Variants in ST6GALNAC3 observed in about 807,000 individuals in gnomAD.
ST6GALNAC3 encodes the protein alpha-N-acetylgalactosaminide alpha-2,6-sialyltransferase 3.
Under a neutral mutation model 32.7 loss-of-function variants are expected in ST6GALNAC3, and 25 were observed. The observed-to-expected ratio is 0.76, with a 90% CI of 0.56 to 1.07. The LOEUF is 1.07. Ranked by LOEUF, ST6GALNAC3 falls within the 50% of genes least tolerant of loss-of-function variation. The pLI is 0.00. For synonymous variants in ST6GALNAC3, 129 were observed against 133.1 expected (o/e 0.97, Z 0.21); for missense variants, 355 against 382.4 (o/e 0.93, Z 0.60).
At position 76,630,748 on chromosome 1, in the gene ST6GALNAC3, A is replaced by G. The variant is rs561391383; in HGVS notation, c.*1942A>G. 3.0e-6 allele frequency: 3 copies of G among 985,496 alleles called. No individual in the cohort carries two copies. Among genetic ancestry groups the G allele is most frequent in the Non-Finnish European group, 3.6e-6 (3 of 829,848 alleles). 61.0% of individuals were successfully genotyped at this position (985,496 alleles called of 1,614,324 possible). A position where few individuals can be genotyped will look rare whatever the true frequency, so the allele number is the denominator to read the frequency against. On this transcript the variant is annotated 3_prime_UTR_variant, in exon 5 of 5. Coordinates refer to ENST00000328299, the MANE Select transcript of ST6GALNAC3 (RefSeq NM_152996.4). ...ATAAACATTACTAAGCCCCAGTTCTATCGTTGGAAGGAGTTGTTATTCTTT... is the reference window on the plus strand; with the variant it reads ...ATAAACATTACTAAGCCCCAGTTCTGTCGTTGGAAGGAGTTGTTATTCTTT...
intron 2 of ST6GALNAC3, among the ~76,000 whole-genome samples, chr1:76,317,319 G>A (rs1342252596): frequency 6.6e-6 from 1 of 152,054 alleles, no homozygotes; most frequent in Non-Finnish European, 1.5e-5. Flanking sequence ...TGCAGAAATG[G>A]TTACATTAAA....
At chr1:76,557,514 C>T (rs1408325296) in intron 3 of ST6GALNAC3, among the ~76,000 whole-genome samples, 1 of 152,034 alleles carries the variant, frequency 6.6e-6, no homozygotes. Context: ...TTACTGATTA[C>T]CTACCATGCA....
At chr1:76,236,383 C>T (rs532694155) in intron 1 of ST6GALNAC3, among the ~76,000 whole-genome samples, 1 of 152,306 alleles carries the variant, frequency 6.6e-6, no homozygotes, top group South Asian at 2.1e-4. Flanking sequence ...CACCACCTCA[C>T]ATGGTTTGGT....
At chr1:76,635,044 G>A (rs1009352698), downstream of ST6GALNAC3, among the ~76,000 whole-genome samples, 5 of 152,122 alleles carry the variant, frequency 3.3e-5, no homozygotes, top group African/African-American at 1.2e-4. Flanking sequence ...GAAAATGTTG[G>A]TCTGCCTCTG....
At chr1:76,313,543 A>G (rs1646808734) in intron 1 of ST6GALNAC3, 5 of 550,252 alleles carry the variant, frequency 9.1e-6, no homozygotes, top group Admixed American at 8.1e-5. Context: ...ATAGGAGTGT[A>G]CAAGGAATAT....
intron 3 of ST6GALNAC3, among the ~76,000 whole-genome samples, chr1:76,472,005 C>G (rs773274838): frequency 6.6e-6 from 1 of 151,986 alleles, no homozygotes; most frequent in Non-Finnish European, 1.5e-5. Flanking sequence ...TGCAGGTGTT[C>G]ATGAGTTAAA....
At chr1:76,450,026 G>A (rs983146485) in intron 3 of ST6GALNAC3, among the ~76,000 whole-genome samples, 1 of 152,150 alleles carries the variant, frequency 6.6e-6, no homozygotes, top group African/African-American at 2.4e-5. Flanking sequence ...GAATTGTGAT[G>A]TTATAAACAT....
chr1:76,608,812 AT>A (rs1445997671), intron 3 of ST6GALNAC3, among the ~76,000 whole-genome samples: 1 of 152,076 alleles, frequency 6.6e-6, no homozygotes, highest in Admixed American at 6.6e-5. Context: ...CACCAGTGGA[AT>A]TTTTATCAGA....
intron 3 of ST6GALNAC3, among the ~76,000 whole-genome samples, chr1:76,424,066 C>T (rs1655208626): frequency 6.6e-6 from 1 of 151,972 alleles, no homozygotes; most frequent in Non-Finnish European, 1.5e-5. Flanking sequence ...GTGACTTTTT[C>T]ATGACATGTT....
rs564053068 is a variant in ST6GALNAC3 at position 76,481,223 on chromosome 1, G to A, written c.623+68806G>A. 1.6e-3 allele frequency among the ~76,000 whole-genome samples: 248 copies of A among 152,278 alleles called. 3 individuals carry two copies. Among genetic ancestry groups the A allele is most frequent in the African/African-American group, 5.5e-3 (227 of 41,588 alleles). ...TTCATCAAGAAAATAGGCCTAATTG[G>A]AGGGAATTAAGGTAGCTGCAATTTC... On this transcript the variant is annotated intron_variant, in intron 3 of 4. Coordinates refer to ENST00000328299, the MANE Select transcript of ST6GALNAC3 (RefSeq NM_152996.4).
chr1:76,472,312 C>G (rs533547138), intron 3 of ST6GALNAC3, among the ~76,000 whole-genome samples: 1 of 152,038 alleles, frequency 6.6e-6, no homozygotes, highest in Non-Finnish European at 1.5e-5. Flanking sequence ...CTTTTCTGTT[C>G]TTTTCTTTTC....
At chr1:76,532,511 C>T (rs572366054) in intron 3 of ST6GALNAC3, among the ~76,000 whole-genome samples, 17 of 152,122 alleles carry the variant, frequency 1.1e-4, no homozygotes, top group Middle Eastern at 3.4e-3. Context: ...CCCCTACGAA[C>T]GACAACAACC....
intron 3 of ST6GALNAC3, among the ~76,000 whole-genome samples, chr1:76,600,639 A>G (rs1647209874): frequency 6.6e-6 from 1 of 152,184 alleles, no homozygotes; most frequent in African/African-American, 2.4e-5. Flanking sequence ...CTGTGCTGAG[A>G]GTGCATTGTG....
chr1:76,617,401 T>C (rs1273198675), intron 3 of ST6GALNAC3, among the ~76,000 whole-genome samples: 1 of 152,038 alleles, frequency 6.6e-6, no homozygotes, highest in East Asian at 1.9e-4. Context: ...GAAGAAGGAA[T>C]GGCTGATAGG....
At chr1:76,485,453 G>C (rs1269105806) in intron 3 of ST6GALNAC3, among the ~76,000 whole-genome samples, 1 of 152,160 alleles carries the variant, frequency 6.6e-6, no homozygotes, top group Non-Finnish European at 1.5e-5. Context: ...AGTCTTGGGA[G>C]GATGTATGTG....
At chr1:76,336,879 A>G (rs1377487341) in intron 2 of ST6GALNAC3, among the ~76,000 whole-genome samples, 1 of 152,190 alleles carries the variant, frequency 6.6e-6, no homozygotes, top group East Asian at 1.9e-4. Context: ...CTGCCATCCT[A>G]AAGAGATTTC....
Position 76,412,298 on chromosome 1 carries a change from C to A in ST6GALNAC3, c.504C>A (p.Ile168=). The A allele has an allele frequency of 6.2e-7, 1 of 1,613,568 alleles. No homozygotes were observed. The highest frequency in any genetic ancestry group is 8.5e-7 in the Non-Finnish European group (1 of 1,179,758). Residue 168 remains isoleucine, a synonymous_variant, in exon 3 of 5, where the codon ATC becomes ATA. Coordinates refer to ENST00000328299, the MANE Select transcript of ST6GALNAC3 (RefSeq NM_152996.4). ...ATATGAGGAAAGATGGCAATGGCAT[C>A]GTTTACAACATGTTGAAAAAGACAG... ...FRNMRKDGNG[I]VYNMLKKTVG...
intron 1 of ST6GALNAC3, among the ~76,000 whole-genome samples, chr1:76,290,912 C>T (rs1660045241): frequency 6.6e-6 from 1 of 152,130 alleles, no homozygotes; most frequent in Non-Finnish European, 1.5e-5. Context: ...CATACCTGTC[C>T]TGACCTATTT....
intron 2 of ST6GALNAC3, among the ~76,000 whole-genome samples, chr1:76,379,003 T>C (rs1189501711): frequency 6.6e-6 from 1 of 152,198 alleles, no homozygotes; most frequent in Admixed American, 6.5e-5. Flanking sequence ...CGGCAAGTGA[T>C]TCTCCTGCCT....
Sources: allele counts gnomAD v4.1 joint callset (sites outside exome capture counted in the v4.1 genomes callset), GRCh38; gene constraint gnomAD v4.1.1; transcripts MANE v1.5; gene names NCBI Gene and HGNC (gene_info 2026-07-23, HGNC 2026-07-21).